The following MYO18B variants were observed in gnomAD, a reference collection of about 807,000 sequenced individuals.
MYO18B encodes the protein myosin XVIIIB, also known as unconventional myosin-XVIIIb.
MYO18B carries 204 observed loss-of-function variants against 273.0 expected under a neutral mutation model. The ratio of observed to expected loss-of-function variants is 0.75; its 90% CI spans 0.67 to 0.84. The LOEUF (loss-of-function observed/expected upper bound fraction) is 0.84, where lower values mean the gene tolerates loss of function less well. MYO18B is among the 40% of genes least tolerant of loss of function. The pLI is 0.00. For missense variants in MYO18B, 3,212 were observed against 3,287.6 expected, an observed-to-expected ratio of 0.98 and a Z score of 0.56; for synonymous variants, 1,330 against 1,305.7, an observed-to-expected ratio of 1.02 and a Z score of -0.40.
chr22:25,842,401 G>A (rs1409916995), intron 17 of MYO18B, among the ~76,000 whole-genome samples: 2 of 152,086 alleles, frequency 1.3e-5, no homozygotes, highest in East Asian at 1.9e-4. Flanking sequence ...GGCCAGGTGC[G>A]GTGGCTCACG....
In MYO18B at chr22:25,911,025, G is replaced by C. The variant is rs745876232; in HGVS notation, c.5339G>C (p.Gly1780Ala). The C allele has an allele frequency of 5.0e-6, 8 of 1,605,510 alleles. No individual in the cohort carries two copies. The highest frequency in any genetic ancestry group is 3.4e-5 in the South Asian group (3 of 88,602). ...MVLHEKQDLE[G>A]LIGTLCDQIG... ...CTCCATGAGAAGCAAGATTTGGAAGGCTTGATCGGAACCCTCTGTGACCAG... is the reference window on the plus strand; with the variant it reads ...CTCCATGAGAAGCAAGATTTGGAAGCCTTGATCGGAACCCTCTGTGACCAG... Residue 1780 changes from glycine to alanine, a missense_variant, in exon 33 of 44, where the codon GGC becomes GCC. Physicochemically the swap from Gly to Ala is moderately conservative, Grantham distance 60. Coordinates refer to ENST00000335473, the MANE Select transcript of MYO18B (RefSeq NM_032608.7).
intron 20 of MYO18B, 147 bp downstream of exon 20, chr22:25,847,799 A>T (rs1167494994): frequency 3.1e-6 from 2 of 635,852 alleles, no homozygotes; most frequent in Non-Finnish European, 5.5e-6. Context: ...GTCTTCTGAG[A>T]TGAGGCCACT....
At chr22:25,746,858 A>G (rs1241811242) in intron 1 of MYO18B, among the ~76,000 whole-genome samples, 2 of 152,170 alleles carry the variant, frequency 1.3e-5, no homozygotes, top group Admixed American at 1.3e-4. Flanking sequence ...GCAGTGGCTC[A>G]TGCCTGTAAT....
intron 14 of MYO18B, among the ~76,000 whole-genome samples, 181 bp downstream of exon 14, chr22:25,826,680 C>T (rs1319101479): frequency 6.6e-6 from 1 of 152,204 alleles, no homozygotes; most frequent in Non-Finnish European, 1.5e-5. Context: ...CAAATCAGTT[C>T]ACTTCTCTGA....
In MYO18B at chr22:25,936,933, G is replaced by C. The variant is rs1029325939; in HGVS notation, c.5518-9204G>C. Among the ~76,000 whole-genome samples, 23 of 152,250 alleles carry C rather than the reference G, an allele frequency of 1.5e-4. No individual in the cohort carries two copies. In the South Asian group the frequency reaches 1.9e-3, roughly 12 times the overall value. On this transcript the variant is annotated intron_variant, in intron 34 of 43. Transcript: ENST00000335473. ...CTCATCTCCTAATACCATCACATTA[G>C]GGGGTGGCTTCAACATACACATTTC...
intron 27 of MYO18B, 28 bp downstream of exon 27, chr22:25,891,440 G>T: frequency 7.1e-7 from 1 of 1,398,946 alleles, no homozygotes. Context: ...CTTGGGGCTG[G>T]AAGGTGATGG....
intron 13 of MYO18B, among the ~76,000 whole-genome samples, chr22:25,825,423 G>T (rs1367290649): frequency 6.6e-6 from 1 of 152,132 alleles, no homozygotes; most frequent in Non-Finnish European, 1.5e-5. Flanking sequence ...TTTTTAGATA[G>T]AACTGAAACT....
At position 25,847,092 on chromosome 22, in the gene MYO18B, T is replaced by G. The variant is rs8141828; in HGVS notation, c.3553-338T>G. Among the ~76,000 whole-genome samples the G allele has an allele frequency of 0.39, 54,143 of 137,258 alleles. 10,524 individuals carry two copies. Among genetic ancestry groups the G allele is most frequent in the East Asian group, 0.7 (3,529 of 5,030 alleles). The allele number at this position is 137,258 out of a possible 152,430, so 90.0% of individuals were successfully genotyped here. A position where few individuals can be genotyped will look rare whatever the true frequency, so the allele number is the denominator to read the frequency against. On this transcript the variant is annotated intron_variant, in intron 19 of 43. Coordinates refer to ENST00000335473, the MANE Select transcript of MYO18B (RefSeq NM_032608.7). ...AGACTCTGTCTCAAAAAAAAAAAAA[T>G]AAAGAAAGAAAGAAAAATAAAATGG...
In MYO18B at chr22:25,768,177, C is replaced by A; in HGVS notation, c.261C>A (p.Ser87Arg). 6.2e-7 allele frequency: 1 copy of A among 1,613,162 alleles called. No individual in the cohort carries two copies. Among genetic ancestry groups the A allele is most frequent in the Non-Finnish European group, 8.5e-7 (1 of 1,179,604 alleles). The change falls in exon 4 of 44, where the codon AGC becomes AGA. Residue 87 changes from serine to arginine, a missense_variant. Transcript: ENST00000335473. ...CCAGCAGTGGCACCAGATCTGGAAGCCAGCAGATCTCTCAGGACGACCAGT... is the reference window on the plus strand; with the variant it reads ...CCAGCAGTGGCACCAGATCTGGAAGACAGCAGATCTCTCAGGACGACCAGT... The part of the protein sequence containing the change: ...SKSSSGTRSG[S>R]QQISQDDQSS...
intron 39 of MYO18B, among the ~76,000 whole-genome samples, chr22:25,990,320 C>A (rs2093251384): frequency 6.6e-6 from 1 of 152,106 alleles, no homozygotes; most frequent in Admixed American, 6.5e-5. Context: ...GGGTTCAGAT[C>A]CCAGCTCTGC....
At chr22:25,855,785 G>C (rs1178689765) in intron 21 of MYO18B, among the ~76,000 whole-genome samples, 4 of 151,284 alleles carry the variant, frequency 2.6e-5, no homozygotes, top group African/African-American at 9.7e-5. Flanking sequence ...GGGTTGCTGG[G>C]TTGAATGTAC....
chr22:25,807,278 T>C (rs1304854125), intron 12 of MYO18B, among the ~76,000 whole-genome samples: 1 of 152,170 alleles, frequency 6.6e-6, no homozygotes, highest in African/African-American at 2.4e-5. Flanking sequence ...CCAAGGGTAG[T>C]GTAGGGCAGT....
At chr22:25,755,854 GCTTCTTGTA>G (rs1264281654) in intron 1 of MYO18B, among the ~76,000 whole-genome samples, 2 of 152,056 alleles carry the variant, frequency 1.3e-5, no homozygotes, top group African/African-American at 2.4e-5. Context: ...CAGGTGCAGT[GCTTCTTGTA>G]CAGCCTGCAG....
chr22:25,795,928 T>C (rs1296770565), intron 11 of MYO18B, among the ~76,000 whole-genome samples: 1 of 152,164 alleles, frequency 6.6e-6, no homozygotes, highest in Non-Finnish European at 1.5e-5. Context: ...TATCTGATAC[T>C]AATTTGCTGT....
At chr22:25,818,032 A>T (rs1221066474) in intron 12 of MYO18B, among the ~76,000 whole-genome samples, 1 of 152,220 alleles carries the variant, frequency 6.6e-6, no homozygotes, top group Non-Finnish European at 1.5e-5. Flanking sequence ...TAGCAACCCG[A>T]AAAATGGCTG....
chr22:26,053,360 T>G, the MYO18B span, among the ~76,000 whole-genome samples: 1 of 152,208 alleles, frequency 6.6e-6, no homozygotes, highest in Non-Finnish European at 1.5e-5. Context: ...TAGGTAATAT[T>G]ACTATACCTA....
At chr22:25,937,364 G>A (rs767134229) in intron 34 of MYO18B, among the ~76,000 whole-genome samples, 3 of 152,112 alleles carry the variant, frequency 2.0e-5, no homozygotes, top group African/African-American at 7.2e-5. Context: ...GATTACAGCT[G>A]TAAGCCACCA....
intron 12 of MYO18B, among the ~76,000 whole-genome samples, chr22:25,812,096 G>A (rs889561788): frequency 6.6e-6 from 1 of 151,954 alleles, no homozygotes; most frequent in Non-Finnish European, 1.5e-5. Flanking sequence ...TGGACTCTCT[G>A]TCTGCCATGC....
intron 11 of MYO18B, among the ~76,000 whole-genome samples, chr22:25,787,272 G>GCACACACACACACACA (rs10598069): frequency 7.3e-6 from 1 of 136,582 alleles, no homozygotes; most frequent in South Asian, 2.9e-4. Context: ...GCAGGCGCGC[G>GCACACACACACACACA]CACACACACA....
Sources: gnomAD v4.1 joint callset for allele counts (sites outside exome capture counted in the v4.1 genomes callset) on GRCh38, gnomAD v4.1.1 for gene constraint, MANE v1.5 for transcripts, NCBI Gene and HGNC (gene_info 2026-07-23, HGNC 2026-07-21) for gene names.